KLF12: variants seen among roughly 807,000 people sequenced by gnomAD.
KLF12 encodes the protein Krueppel-like factor 12.
Under a neutral mutation model 37.8 loss-of-function variants are expected in KLF12, and 9 were observed. The observed-to-expected ratio is 0.24, with a 90% confidence interval of 0.14 to 0.42. The LOEUF (loss-of-function observed/expected upper bound fraction) is 0.42, where lower values mean the gene tolerates loss of function less well. Among genes scored for constraint, KLF12 ranks in the 10% least tolerant of loss-of-function variants. KLF12 has a pLI of 1.00. For missense variants in KLF12, 411 were observed against 516.0 expected (o/e 0.80, Z 1.97); for synonymous variants, 208 against 202.1 (o/e 1.03, Z -0.25).
At chr13:73,976,733 T>C (rs975162514) in intron 2 of KLF12, among the ~76,000 whole-genome samples, 1 of 152,208 alleles carries the variant, frequency 6.6e-6, no homozygotes, top group Non-Finnish European at 1.5e-5. Context: ...AAAGTCAGAC[T>C]AACAGGCATT....
intron 2 of KLF12, among the ~76,000 whole-genome samples, chr13:73,991,972 G>T (rs566126045): frequency 6.6e-6 from 1 of 152,306 alleles, no homozygotes; most frequent in African/African-American, 2.4e-5. Context: ...GCTTGCTCTT[G>T]TTCTCTTGAT....
At chr13:73,905,133 TAAGCCA>T (rs948882819) in intron 3 of KLF12, among the ~76,000 whole-genome samples, 20 of 152,186 alleles carry the variant, frequency 1.3e-4, no homozygotes, top group African/African-American at 4.8e-4. Context: ...TGCAATATTA[TAAGCCA>T]AAAAATTAAA....
chr13:74,084,183 A>G (rs548589141), intron 1 of KLF12, among the ~76,000 whole-genome samples: 8 of 152,350 alleles, frequency 5.3e-5, no homozygotes, highest in Admixed American at 4.6e-4. Context: ...TGTAACAAAT[A>G]TAAAGGTTTT....
chr13:73,757,161 G>A (rs149463184), intron 6 of KLF12, among the ~76,000 whole-genome samples: 2 of 152,172 alleles, frequency 1.3e-5, no homozygotes, highest in African/African-American at 4.8e-5. Context: ...AACTTCATCT[G>A]ATAAAAGGGA....
the KLF12 span, among the ~76,000 whole-genome samples, chr13:74,196,935 A>T: frequency 6.6e-6 from 1 of 152,200 alleles, no homozygotes; most frequent in African/African-American, 2.4e-5. Context: ...ATGGAGGGAC[A>T]GTGAACCCAA....
the KLF12 span, among the ~76,000 whole-genome samples, chr13:74,186,932 C>G: frequency 6.6e-6 from 1 of 152,148 alleles, no homozygotes; most frequent in Non-Finnish European, 1.5e-5. Context: ...TAACAAGTCT[C>G]GTGCTCTTAA....
Position 73,808,718 on chromosome 13 carries a change from T to C in KLF12, c.806+4434A>G, listed in dbSNP as rs74098412. 1.1e-3 allele frequency among the ~76,000 whole-genome samples: 163 copies of C among 152,314 alleles called. 2 individuals carry two copies. Among genetic ancestry groups the C allele is most frequent in the African/African-American group, 3.5e-3 (144 of 41,572 alleles). On this transcript the variant is annotated intron_variant, in intron 5 of 7. Coordinates refer to ENST00000377669, the MANE Select transcript of KLF12 (RefSeq NM_007249.5). ...GAATGTTCACGCTATATAAATATAC[T>C]AATGTCAACAAAGTAAGGCACCAAA...
chr13:73,898,780 C>CT (rs1410212331), intron 3 of KLF12, among the ~76,000 whole-genome samples: 1 of 152,176 alleles, frequency 6.6e-6, no homozygotes, highest in East Asian at 1.9e-4. Flanking sequence ...CACAATACTC[C>CT]TTATTGATTA....
intron 1 of KLF12, among the ~76,000 whole-genome samples, chr13:74,053,573 A>G (rs948769169): frequency 6.6e-6 from 1 of 152,194 alleles, no homozygotes; most frequent in African/African-American, 2.4e-5. Flanking sequence ...GCACTGGAAC[A>G]GGATACAAAC....
At chr13:74,165,229 T>A in the KLF12 span, among the ~76,000 whole-genome samples, 1 of 151,884 alleles carries the variant, frequency 6.6e-6, no homozygotes, top group Non-Finnish European at 1.5e-5. Context: ...AAAAATGGAA[T>A]CATCAAGGAA....
intron 5 of KLF12, among the ~76,000 whole-genome samples, chr13:73,791,091 G>A (rs969267660): frequency 2.0e-5 from 3 of 152,122 alleles, no homozygotes; most frequent in Non-Finnish European, 4.4e-5. Context: ...TTATTTCCCA[G>A]ATCCTAAACA....
At chr13:74,015,036 T>A (rs1262263456) in intron 1 of KLF12, among the ~76,000 whole-genome samples, 1 of 152,132 alleles carries the variant, frequency 6.6e-6, no homozygotes, top group African/African-American at 2.4e-5. Context: ...CATAGCTGGA[T>A]AGAGGCACAT....
At chr13:74,121,870 A>G (rs1877652105) in intron 1 of KLF12, among the ~76,000 whole-genome samples, 1 of 152,054 alleles carries the variant, frequency 6.6e-6, no homozygotes, top group South Asian at 2.1e-4. Context: ...ATTCTCTGGA[A>G]AAAGAAAAAG....
In KLF12 at chr13:73,687,302, C is replaced by A. The variant is rs2137501631; in HGVS notation, c.*8188G>T. 6.5e-6 allele frequency: 1 copy of A among 152,680 alleles called. No individual in the cohort carries two copies. The highest frequency in any genetic ancestry group is 2.1e-4 in the South Asian group (1 of 4,830). The allele number at this position is 152,680 out of a possible 1,614,324, so 9.5% of individuals were successfully genotyped here. A position where few individuals can be genotyped will look rare whatever the true frequency, so the allele number is the denominator to read the frequency against. ...GGTTTGCCATGTGATGCAATGTGTCCCACATAGACATGAACAAAACAATAC... is the reference window on the plus strand; with the variant it reads ...GGTTTGCCATGTGATGCAATGTGTCACACATAGACATGAACAAAACAATAC... On this transcript the variant is annotated 3_prime_UTR_variant, in exon 8 of 8. Transcript: ENST00000377669.
chr13:73,930,856 A>G, intron 3 of KLF12, among the ~76,000 whole-genome samples: 1 of 141,088 alleles, frequency 7.1e-6, no homozygotes, highest in East Asian at 2.2e-4. Flanking sequence ...GAATAACTGG[A>G]AACATTTTTT....
At chr13:73,781,197 T>C (rs1219991912) in intron 5 of KLF12, among the ~76,000 whole-genome samples, 2 of 152,228 alleles carry the variant, frequency 1.3e-5, no homozygotes, top group African/African-American at 4.8e-5. Context: ...ATAATGTATT[T>C]TTATTAAAGT....
At chr13:73,973,326 G>A (rs531421500) in intron 2 of KLF12, among the ~76,000 whole-genome samples, 51 of 152,308 alleles carry the variant, frequency 3.3e-4, no homozygotes, top group African/African-American at 1.2e-3. Flanking sequence ...CTTAGCGGTA[G>A]CTTCCTGCCA....
At chr13:73,834,181 A>G (rs1357852736) in intron 4 of KLF12, among the ~76,000 whole-genome samples, 1 of 152,174 alleles carries the variant, frequency 6.6e-6, no homozygotes, top group Non-Finnish European at 1.5e-5. Flanking sequence ...ATGAGCATTT[A>G]TAACAATATA....
At chr13:73,948,172 T>C (rs1469800071) in intron 2 of KLF12, among the ~76,000 whole-genome samples, 1 of 152,072 alleles carries the variant, frequency 6.6e-6, no homozygotes, top group East Asian at 1.9e-4. Context: ...GTAAGGGACA[T>C]ATGAACAGTC....
Sources: allele counts gnomAD v4.1 joint callset (sites outside exome capture counted in the v4.1 genomes callset), GRCh38; gene constraint gnomAD v4.1.1; transcripts MANE v1.5; gene names NCBI Gene and HGNC (gene_info 2026-07-23, HGNC 2026-07-21).